USP34: variants seen among roughly 807,000 people sequenced by gnomAD.
The protein encoded by USP34 is ubiquitin carboxyl-terminal hydrolase 34.
In USP34, 70 loss-of-function variants were observed where a neutral mutation model predicts 460.3. The ratio of observed to expected loss-of-function variants is 0.15; its 90% CI spans 0.13 to 0.19. The LOEUF (loss-of-function observed/expected upper bound fraction) is 0.19, where lower values mean the gene tolerates loss of function less well. USP34 is among the 10% of genes least tolerant of loss of function. The probability of loss-of-function intolerance (pLI) is 1.00; values close to 1 mark genes in which losing one functional copy is unlikely to be tolerated. For synonymous variants in USP34, 1,647 were observed against 1,405.3 expected (o/e 1.17, Z -3.85); for missense variants, 3,985 against 4,236.2 (o/e 0.94, Z 1.65).
At chr2:61,397,155 C>T (rs1693554457) in intron 3 of USP34, among the ~76,000 whole-genome samples, 1 of 152,074 alleles carries the variant, frequency 6.6e-6, no homozygotes, top group Non-Finnish European at 1.5e-5. Context: ...TAATTTTTCA[C>T]ACTGAGGCCG....
chr2:61,290,690 T>G (rs1689824152), intron 33 of USP34, among the ~76,000 whole-genome samples: 1 of 152,146 alleles, frequency 6.6e-6, no homozygotes, highest in African/African-American at 2.4e-5. Context: ...ATGGAAATAT[T>G]CTTTGTTTGG....
chr2:61,198,436 C>T (rs1015138133), intron 75 of USP34, among the ~76,000 whole-genome samples: 1 of 152,070 alleles, frequency 6.6e-6, no homozygotes, highest in Admixed American at 6.6e-5. Flanking sequence ...AAATAAATAT[C>T]CTCTGTATAT....
At chr2:61,267,002 C>T (rs1034874010) in intron 41 of USP34, among the ~76,000 whole-genome samples, 3 of 152,168 alleles carry the variant, frequency 2.0e-5, no homozygotes, top group African/African-American at 7.2e-5. Context: ...TATGTGCCCA[C>T]ATGAGCCACC....
At chr2:61,207,685 T>A (rs1687159223) in intron 70 of USP34, 1 of 152,186 alleles carries the variant, frequency 6.6e-6, no homozygotes, top group South Asian at 2.1e-4. Context: ...AAAAATTTTT[T>A]TTTTCTAAAA....
At chr2:61,299,642 T>G (rs1218628699) in intron 29 of USP34, among the ~76,000 whole-genome samples, 1 of 151,686 alleles carries the variant, frequency 6.6e-6, no homozygotes, top group East Asian at 1.9e-4. Context: ...TTCCACCTAT[T>G]CAGGACGCTG....
At chr2:61,255,779 T>C (rs1432515370) in intron 48 of USP34, among the ~76,000 whole-genome samples, 1 of 152,234 alleles carries the variant, frequency 6.6e-6, no homozygotes, top group African/African-American at 2.4e-5. Context: ...CTTATCTGTG[T>C]TGCAGACACT....
chr2:61,309,024 G>A lies in USP34; in HGVS notation c.3817+2516C>T, dbSNP rs546658793. 1.8e-4 allele frequency among the ~76,000 whole-genome samples: 27 copies of A among 152,068 alleles called. No homozygotes were observed. In the East Asian group the frequency reaches 4.8e-3, roughly 27 times the overall value. On this transcript the variant is annotated intron_variant, in intron 27 of 79. Transcript: ENST00000398571. ...CACTCCAGCCTGGGTGACAGAGGGA[G>A]ACTATCTCAAAAACAACAACAACAA... is the stretch of plus-strand genomic sequence containing the variant.
intron 41 of USP34, among the ~76,000 whole-genome samples, chr2:61,275,629 T>TA (rs1259900357): frequency 6.9e-6 from 1 of 145,060 alleles, no homozygotes; most frequent in Non-Finnish European, 1.5e-5. Flanking sequence ...TTTTTTTTTT[T>TA]AAATGAACTG....
intron 1 of USP34, among the ~76,000 whole-genome samples, chr2:61,450,936 T>C (rs1271953571): frequency 6.7e-6 from 1 of 149,162 alleles, no homozygotes; most frequent in Non-Finnish European, 1.5e-5. Context: ...AATGAGTAAC[T>C]TGGCCAGGCA....
chr2:61,396,689 C>T (rs913288464), intron 3 of USP34, among the ~76,000 whole-genome samples: 7 of 152,090 alleles, frequency 4.6e-5, no homozygotes, highest in African/African-American at 9.6e-5. Context: ...AGGGTTTCAC[C>T]GTGTTAGCCA....
intron 57 of USP34, among the ~76,000 whole-genome samples, chr2:61,234,048 GAA>G (rs1687994666): frequency 6.6e-6 from 1 of 151,882 alleles, no homozygotes; most frequent in East Asian, 1.9e-4. Context: ...AAACAAGAAA[GAA>G]AGATTATTAT....
chr2:61,311,412 C>A (rs1051766367), intron 27 of USP34, 128 bp downstream of exon 27: 4 of 969,076 alleles, frequency 4.1e-6, no homozygotes, highest in Middle Eastern at 3.4e-4. Context: ...AAGACAGTTG[C>A]TATATGATAT....
At chr2:61,189,207 G>A (rs113196596) in intron 78 of USP34, 138 bp from the exon 79 acceptor site, 2 of 894,234 alleles carry the variant, frequency 2.2e-6, no homozygotes, top group South Asian at 2.0e-5. Flanking sequence ...GGGATTCTTA[G>A]AATGATAAAA....
chr2:61,394,782 G>T (rs1022110072), intron 5 of USP34, 71 bp downstream of exon 5: 1 of 1,232,468 alleles, frequency 8.1e-7, no homozygotes, highest in Admixed American at 3.2e-5. Context: ...CCTTTTCAGA[G>T]CATAAAATTC....
intron 18 of USP34, among the ~76,000 whole-genome samples, chr2:61,337,547 C>T (rs890365876): frequency 2.6e-5 from 4 of 152,144 alleles, no homozygotes; most frequent in Non-Finnish European, 4.4e-5. Flanking sequence ...TGAACCTCCC[C>T]AGGCACAAGC....
At chr2:61,394,814 T>C (rs540196786) in intron 5 of USP34, 39 bp downstream of exon 5, 87 of 1,441,898 alleles carry the variant, frequency 6.0e-5, no homozygotes, top group South Asian at 3.7e-4. Context: ...ATGCTAGACA[T>C]TGCTCCCAAA....
chr2:61,321,800 T>C (rs191938472), intron 21 of USP34, among the ~76,000 whole-genome samples: 81 of 152,230 alleles, frequency 5.3e-4, no homozygotes, highest in Non-Finnish European at 1.0e-3. Flanking sequence ...ATAGTAAAAA[T>C]GATTGGGGGA....
At chr2:61,237,554 ATTTTTTTTTTTT>A (rs71403400) in intron 53 of USP34, among the ~76,000 whole-genome samples, 30 of 45,152 alleles carry the variant, frequency 6.6e-4, no homozygotes, top group East Asian at 1.3e-3. Context: ...TTTTCTGTGG[ATTTTTTTTTTTT>A]TTTTTTTTTT....
chr2:61,442,510 T>C (rs188700680), intron 1 of USP34, among the ~76,000 whole-genome samples: 3 of 149,718 alleles, frequency 2.0e-5, no homozygotes, highest in Admixed American at 1.3e-4. Context: ...GTGAAAAAAA[T>C]GTTCAACATC....
Sources: allele counts gnomAD v4.1 joint callset (sites outside exome capture counted in the v4.1 genomes callset), GRCh38; gene constraint gnomAD v4.1.1; transcripts MANE v1.5; gene names NCBI Gene and HGNC (gene_info 2026-07-23, HGNC 2026-07-21).